The following RALA variants were observed in gnomAD, a reference collection of about 807,000 sequenced individuals.
The protein encoded by RALA is RAS like proto-oncogene A.
In RALA, 5 loss-of-function variants were observed where a neutral mutation model predicts 24.0. The observed-to-expected ratio is 0.21, with a 90% CI of 0.11 to 0.44. RALA has a LOEUF of 0.44. Among genes scored for constraint, RALA ranks in the 20% least tolerant of loss-of-function variants. The probability of loss-of-function intolerance (pLI) is 0.99; values close to 1 mark genes in which losing one functional copy is unlikely to be tolerated. For synonymous variants in RALA, 77 were observed against 83.8 expected (o/e 0.92, Z 0.44); for missense variants, 95 against 241.2 (o/e 0.39, Z 4.01).
At chr7:39,686,542 A>G (rs569016947) in intron 1 of RALA, 89 bp from the exon 2 acceptor site, 6 of 695,352 alleles carry the variant, frequency 8.6e-6, no homozygotes, top group African/African-American at 5.3e-5. Flanking sequence ...GAAAACTAGT[A>G]TATTGAACTC....
At chr7:39,671,967 ACTTC>A (rs1792399001) in intron 1 of RALA, among the ~76,000 whole-genome samples, 1 of 152,110 alleles carries the variant, frequency 6.6e-6, no homozygotes, top group African/African-American at 2.4e-5. Context: ...CATTTTTTTG[ACTTC>A]CTTCCATCTC....
chr7:39,637,981 T>C (rs1791712796), intron 1 of RALA, among the ~76,000 whole-genome samples: 1 of 152,242 alleles, frequency 6.6e-6, no homozygotes, highest in Non-Finnish European at 1.5e-5. Flanking sequence ...GTAATACTAT[T>C]GTAACACCTA....
chr7:39,679,771 C>T (rs967683564), intron 1 of RALA, among the ~76,000 whole-genome samples: 4 of 151,892 alleles, frequency 2.6e-5, no homozygotes, highest in Admixed American at 6.6e-5. Context: ...AGTGCAATGG[C>T]GCAGTCTTGG....
At chr7:39,669,467 C>T (rs1030994586) in intron 1 of RALA, among the ~76,000 whole-genome samples, 2 of 152,148 alleles carry the variant, frequency 1.3e-5, no homozygotes, top group Admixed American at 6.5e-5. Context: ...TGGGATTTAA[C>T]AGATGTCTTC....
intron 1 of RALA, among the ~76,000 whole-genome samples, chr7:39,684,398 A>G (rs1332630262): frequency 6.6e-6 from 1 of 152,176 alleles, no homozygotes; most frequent in African/African-American, 2.4e-5. Context: ...TCATATTGCT[A>G]AATGGACAGT....
chr7:39,664,989 A>G (rs1478471004), intron 1 of RALA, among the ~76,000 whole-genome samples: 1 of 152,230 alleles, frequency 6.6e-6, no homozygotes, highest in East Asian at 1.9e-4. Context: ...CGTTTACAAC[A>G]TAGACTCTTC....
chr7:39,686,154 C>T (rs1190947424), intron 1 of RALA, among the ~76,000 whole-genome samples: 1 of 145,632 alleles, frequency 6.9e-6, no homozygotes, highest in East Asian at 2.0e-4. Flanking sequence ...TACAGTAAGC[C>T]GAGATCACGC....
chr7:39,642,138 A>T (rs1236747133), intron 1 of RALA, among the ~76,000 whole-genome samples: 2 of 152,332 alleles, frequency 1.3e-5, no homozygotes, highest in Admixed American at 1.3e-4. Flanking sequence ...AGGCAATTTA[A>T]CAATAGAAAA....
chr7:39,642,837 A>AT (rs1791843726), intron 1 of RALA, among the ~76,000 whole-genome samples: 1 of 152,240 alleles, frequency 6.6e-6, no homozygotes, highest in Admixed American at 6.5e-5. Flanking sequence ...CTTTAATCAA[A>AT]TAATGGAAGC....
intron 1 of RALA, among the ~76,000 whole-genome samples, chr7:39,637,456 T>C (rs2115931897): frequency 6.6e-6 from 1 of 152,366 alleles, no homozygotes; most frequent in South Asian, 2.1e-4. Flanking sequence ...ATTATGTTAC[T>C]TTGACTTAAG....
intron 1 of RALA, among the ~76,000 whole-genome samples, chr7:39,639,264 C>T (rs1791738865): frequency 6.6e-6 from 1 of 152,148 alleles, no homozygotes; most frequent in African/African-American, 2.4e-5. Context: ...AAGATTGATA[C>T]AAACAAGTAA....
At chr7:39,669,677 G>A (rs879593965) in intron 1 of RALA, among the ~76,000 whole-genome samples, 2 of 151,712 alleles carry the variant, frequency 1.3e-5, no homozygotes, top group African/African-American at 2.4e-5. Flanking sequence ...TTAACCAGGC[G>A]TGCCTGTAGT....
chr7:39,684,870 T>C (rs557416106), intron 1 of RALA, among the ~76,000 whole-genome samples: 4 of 152,208 alleles, frequency 2.6e-5, no homozygotes, highest in African/African-American at 9.6e-5. Context: ...CTGCAAACAT[T>C]TGTGTATTCA....
intron 1 of RALA, among the ~76,000 whole-genome samples, chr7:39,663,686 A>G (rs1342742266): frequency 2.0e-5 from 3 of 152,188 alleles, no homozygotes; most frequent in Admixed American, 2.0e-4. Context: ...AGCAGCAGGC[A>G]CAAAAGCTTT....
chr7:39,668,077 C>A (rs1304538614), intron 1 of RALA, among the ~76,000 whole-genome samples: 2 of 152,176 alleles, frequency 1.3e-5, no homozygotes, highest in Non-Finnish European at 2.9e-5. Flanking sequence ...TAAGAACTAG[C>A]AATTCACAAA....
chr7:39,694,812 G>A (rs1485675029), intron 3 of RALA, among the ~76,000 whole-genome samples: 1 of 152,090 alleles, frequency 6.6e-6, no homozygotes, highest in East Asian at 1.9e-4. Flanking sequence ...GGAGGCTGAA[G>A]CAGGCAGATC....
intron 4 of RALA, chr7:39,701,020 G>T (rs1361153936): frequency 6.6e-6 from 1 of 152,196 alleles, no homozygotes; most frequent in East Asian, 1.9e-4. Context: ...AGGCACTGTG[G>T]TAAGTACCAA....
At chr7:39,648,914 C>T (rs1214310710) in intron 1 of RALA, among the ~76,000 whole-genome samples, 2 of 152,132 alleles carry the variant, frequency 1.3e-5, no homozygotes, top group Admixed American at 6.5e-5. Flanking sequence ...CAAAAATTAG[C>T]TGGGCATGGT....
intron 4 of RALA, chr7:39,697,555 C>T (rs1471758087): frequency 2.3e-5 from 10 of 429,436 alleles, no homozygotes; most frequent in Non-Finnish European, 3.3e-5. Flanking sequence ...CTTTCTTCAG[C>T]CTGCAAGTAT....
Sources: allele counts gnomAD v4.1 joint callset (sites outside exome capture counted in the v4.1 genomes callset), GRCh38; gene constraint gnomAD v4.1.1; transcripts MANE v1.5; gene names NCBI Gene and HGNC (gene_info 2026-07-23, HGNC 2026-07-21).